SYT9: variants seen among roughly 807,000 people sequenced by gnomAD.
The protein encoded by SYT9 is synaptotagmin 9, also known as synaptotagmin-9.
Under a neutral mutation model 48.4 loss-of-function variants are expected in SYT9, and 22 were observed. The ratio of observed to expected loss-of-function variants is 0.45; its 90% CI spans 0.32 to 0.65. The LOEUF (loss-of-function observed/expected upper bound fraction) is 0.65. Among genes scored for constraint, SYT9 ranks in the 30% least tolerant of loss-of-function variants. The probability of loss-of-function intolerance (pLI) is 0.03; values close to 1 mark genes in which losing one functional copy is unlikely to be tolerated. For synonymous variants in SYT9, 265 were observed against 245.0 expected (o/e 1.08, Z -0.76); for missense variants, 577 against 622.0 (o/e 0.93, Z 0.77).
intron 3 of SYT9, among the ~76,000 whole-genome samples, chr11:7,386,756 T>A (rs1850668508): frequency 6.6e-6 from 1 of 152,230 alleles, no homozygotes; most frequent in Non-Finnish European, 1.5e-5. Flanking sequence ...CTTAGGGATC[T>A]TGAACTAGAA....
At chr11:7,361,677 T>C (rs1850139506) in intron 3 of SYT9, among the ~76,000 whole-genome samples, 2 of 152,220 alleles carry the variant, frequency 1.3e-5, no homozygotes, top group South Asian at 2.1e-4. Flanking sequence ...CTGGCAAATA[T>C]ATGCTGGTTC....
chr11:7,308,646 C>A (rs1002666383), intron 2 of SYT9, among the ~76,000 whole-genome samples: 2 of 152,148 alleles, frequency 1.3e-5, no homozygotes, highest in Non-Finnish European at 2.9e-5. Context: ...GCTCAAGTAT[C>A]ATCTCCTTCA....
intron 1 of SYT9, among the ~76,000 whole-genome samples, chr11:7,297,293 A>G (rs976620141): frequency 1.3e-5 from 2 of 152,212 alleles, no homozygotes; most frequent in Non-Finnish European, 2.9e-5. Context: ...TTAAAAGTAG[A>G]GAGGTTAATA....
chr11:7,295,631 T>C (rs1446580436), intron 1 of SYT9, among the ~76,000 whole-genome samples: 1 of 152,222 alleles, frequency 6.6e-6, no homozygotes, highest in Non-Finnish European at 1.5e-5. Context: ...TCAAAATTCT[T>C]CCAGTTTCTA....
chr11:7,446,143 C>G (rs1564906871), intron 6 of SYT9, among the ~76,000 whole-genome samples: 1 of 152,204 alleles, frequency 6.6e-6, no homozygotes, highest in African/African-American at 2.4e-5. Context: ...ATAGTTGTGC[C>G]TATCACCGAG....
chr11:7,338,641 C>T (rs1477182500), intron 3 of SYT9, among the ~76,000 whole-genome samples: 1 of 151,500 alleles, frequency 6.6e-6, no homozygotes, highest in Non-Finnish European at 1.5e-5. Context: ...GTTTAATTTC[C>T]ATGTAATTGC....
chr11:7,406,888 A>C (rs982882258), intron 3 of SYT9, among the ~76,000 whole-genome samples: 4 of 152,142 alleles, frequency 2.6e-5, no homozygotes, highest in Non-Finnish European at 5.9e-5. Context: ...TAGCCATTCT[A>C]ACTGGGATAA....
chr11:7,247,222 C>T (rs139343654), upstream of SYT9, among the ~76,000 whole-genome samples: 361 of 152,068 alleles, frequency 2.4e-3, 1 homozygote, highest in African/African-American at 8.3e-3. Context: ...TACGCTGCAC[C>T]CTATTTGAAG....
At chr11:7,301,789 A>G (rs184989082) in intron 1 of SYT9, among the ~76,000 whole-genome samples, 11 of 152,320 alleles carry the variant, frequency 7.2e-5, no homozygotes, top group African/African-American at 2.4e-4. Context: ...AAGCACTGTA[A>G]TGACAGGCAG....
At chr11:7,449,133 C>A (rs1053754833) in intron 6 of SYT9, among the ~76,000 whole-genome samples, 1 of 151,948 alleles carries the variant, frequency 6.6e-6, no homozygotes, top group African/African-American at 2.4e-5. Flanking sequence ...CACTTGAAAT[C>A]AGGAGTTTGA....
intron 1 of SYT9, among the ~76,000 whole-genome samples, chr11:7,292,123 A>G (rs1404040514): frequency 1.3e-5 from 2 of 152,204 alleles, no homozygotes; most frequent in African/African-American, 4.8e-5. Context: ...AAACTTTCCC[A>G]CATTATATAT....
intron 3 of SYT9, among the ~76,000 whole-genome samples, chr11:7,315,829 T>C (rs960091273): frequency 2.0e-5 from 3 of 152,236 alleles, no homozygotes; most frequent in African/African-American, 7.2e-5. Flanking sequence ...TGGAAAATCC[T>C]GGATTTCCAT....
chr11:7,314,576 T>G (rs779494941), intron 3 of SYT9, among the ~76,000 whole-genome samples: 3 of 152,250 alleles, frequency 2.0e-5, no homozygotes, highest in Non-Finnish European at 4.4e-5. Flanking sequence ...AAAGGTGCTA[T>G]GTAGTGGTAC....
chr11:7,307,800 G>A (rs953215637), intron 2 of SYT9, among the ~76,000 whole-genome samples: 10 of 152,226 alleles, frequency 6.6e-5, no homozygotes, highest in African/African-American at 2.4e-4. Flanking sequence ...AGCTACTGTA[G>A]AGAAAGTTTT....
chr11:7,242,281 G>T (rs1417248109), intron 1 of SYT9, among the ~76,000 whole-genome samples: 2 of 152,156 alleles, frequency 1.3e-5, no homozygotes, highest in Non-Finnish European at 2.9e-5. Context: ...TTGGCTATTT[G>T]GGACTATTCA....
chr11:7,286,360 G>A (rs1167658116), intron 1 of SYT9, among the ~76,000 whole-genome samples: 1 of 152,138 alleles, frequency 6.6e-6, no homozygotes, highest in African/African-American at 2.4e-5. Flanking sequence ...CATGGCTGGA[G>A]CAGCTGAGAT....
chr11:7,284,449 G>A (rs1236554170), intron 1 of SYT9, among the ~76,000 whole-genome samples: 1 of 152,012 alleles, frequency 6.6e-6, no homozygotes, highest in African/African-American at 2.4e-5. Flanking sequence ...TTCTAAAAAT[G>A]CTCTTATTTT....
At chr11:7,419,821 G>A (rs747923606) in intron 5 of SYT9, among the ~76,000 whole-genome samples, 23 of 152,124 alleles carry the variant, frequency 1.5e-4, no homozygotes, top group South Asian at 2.1e-4. Flanking sequence ...GCTTGAACCC[G>A]GGAGCTGGAG....
intron 3 of SYT9, among the ~76,000 whole-genome samples, chr11:7,328,099 AT>A (rs201445484): frequency 2.4e-4 from 11 of 45,668 alleles, no homozygotes; most frequent in African/African-American, 3.7e-4. Flanking sequence ...AATAATAATA[AT>A]TTTAAAAAAA....
Sources: gnomAD v4.1 joint callset for allele counts (sites outside exome capture counted in the v4.1 genomes callset) on GRCh38, gnomAD v4.1.1 for gene constraint, MANE v1.5 for transcripts, NCBI Gene and HGNC (gene_info 2026-07-23, HGNC 2026-07-21) for gene names.